Variants in CLK2 observed in about 807,000 individuals in gnomAD.
CLK2 encodes the protein dual specificity protein kinase CLK2.
A neutral mutation model predicts 73.5 loss-of-function variants in CLK2; 12 were observed. That is an observed-to-expected ratio of 0.16 (90% CI 0.10 to 0.26). CLK2 has a LOEUF of 0.26. CLK2 is among the 10% of genes least tolerant of loss of function. The pLI, the probability that CLK2 is intolerant of heterozygous loss-of-function variation, is 1.00. For synonymous variants in CLK2, 232 were observed against 237.9 expected, an observed-to-expected ratio of 0.98 and a Z score of 0.23; for missense variants, 509 against 688.4, an observed-to-expected ratio of 0.74 and a Z score of 2.92.
At position 155,268,314 on chromosome 1, in the gene CLK2, A is replaced by G. The variant is rs1572017847; in HGVS notation, c.533T>C (p.Val178Ala). 6.2e-7 allele frequency: 1 copy of G among 1,614,166 alleles called. No individual in the cohort carries two copies. Among genetic ancestry groups the G allele is most frequent in the Non-Finnish European group, 8.5e-7 (1 of 1,180,018 alleles). ...TLGEGTFGRV[V>A]QCVDHRRGGA... ...TTACCTGCGATGGTCAACACATTGT[A>G]CAACTCGGCCGAAGGTCCCCTCTCC... The change falls in exon 5 of 13, where the codon GTA (valine) becomes GCA (alanine). Residue 178 changes from valine to alanine, a missense_variant. Coordinates refer to ENST00000368361, the MANE Select transcript of CLK2 (RefSeq NM_001294338.2). This position sits in a 1 kb window ranked among gnomAD's most constrained non-coding sequence, Gnocchi z 5.6.
In CLK2 at chr1:155,269,575, C is replaced by T. The variant is rs1052416240; in HGVS notation, c.312G>A (p.Glu104=). 6.2e-7 allele frequency: 1 copy of T among 1,614,226 alleles called. No homozygotes were observed. Residue 104 remains glutamate, a synonymous_variant, in exon 3 of 13, where the codon GAG becomes GAA. Transcript: ENST00000368361. The part of the protein sequence containing the change: ...DYRHSYEYQR[E]NSSYRSQRSS... ...TGCGCTGGCTGCGGTAACTGCTGTT[C>T]TCCCGCTGATATTCATAGGAATGCC...
rs1331511957 is a variant in CLK2, at chr1:155,262,919, C to A, written c.*299G>T. 6.0e-6 allele frequency: 2 copies of A among 335,684 alleles called. No individual in the cohort carries two copies. Among genetic ancestry groups the A allele is most frequent in the Non-Finnish European group, 1.1e-5 (2 of 184,658 alleles). 20.8% of individuals were successfully genotyped at this position (335,684 alleles called of 1,614,324 possible). A position where few individuals can be genotyped will look rare whatever the true frequency, so the allele number is the denominator to read the frequency against. ...TATTTCACAAAGACTGTACAAAATT[C>A]CTTATAAAACATGGGGTAGATGCCA... On this transcript the variant is annotated 3_prime_UTR_variant, in exon 13 of 13. Coordinates refer to ENST00000368361, the MANE Select transcript of CLK2 (RefSeq NM_001294338.2).
chr1:155,268,984 C>T lies in CLK2; in HGVS notation c.400-189G>A, dbSNP rs1327238220. 1 of 615,978 alleles carries T rather than the reference C, an allele frequency of 1.6e-6. No homozygotes were observed. The allele number at this position is 615,978 out of a possible 1,614,324, so 38.2% of individuals were successfully genotyped here. A position where few individuals can be genotyped will look rare whatever the true frequency, so the allele number is the denominator to read the frequency against. ...ATCGGTGTGAGAAGAGAGAGCGGCG[C>T]ATAATCCCAAGTCCCCAAACCCAAA... On this transcript the variant is annotated intron_variant, in intron 3 of 12. Transcript: ENST00000368361. This position sits in a 1 kb window ranked among gnomAD's most constrained non-coding sequence, Gnocchi z 5.6.
intron 7 of CLK2, 46 bp downstream of exon 7, chr1:155,266,683 G>A (rs763371333): frequency 6.3e-7 from 1 of 1,584,060 alleles, no homozygotes; most frequent in Non-Finnish European, 8.6e-7. Context: ...GAGATCCAAT[G>A]AAGGGAGGGA....
At position 155,268,699 on chromosome 1, in the gene CLK2, G is replaced by C; in HGVS notation, c.487+9C>G. On this transcript the variant is annotated intron_variant, in intron 4 of 12. Coordinates refer to ENST00000368361, the MANE Select transcript of CLK2 (RefSeq NM_001294338.2). This position sits in a 1 kb window ranked among gnomAD's most constrained non-coding sequence, Gnocchi z 5.6. ...ACAGGCTATAGGATTGTTACGATTT[G>C]GCTTGTACATCGCTCTTGTAGCCAG... 7 of 1,612,850 alleles carry C rather than the reference G, an allele frequency of 4.3e-6. No homozygotes were observed. Among genetic ancestry groups the C allele is most frequent in the Non-Finnish European group, 5.9e-6 (7 of 1,178,900 alleles).
At position 155,269,630 on chromosome 1, in the gene CLK2, C is replaced by G; in HGVS notation, c.257G>C (p.Arg86Pro). 1 of 1,614,206 alleles carries G rather than the reference C, an allele frequency of 6.2e-7. No homozygotes were observed. Among genetic ancestry groups the G allele is most frequent in the African/African-American group, 1.3e-5 (1 of 75,056 alleles). ...GTCTGTGTCATAGTAGGCATCTCCC[C>G]GATCCCGGCTATAATCGTTGCGTCT... ...SYRRNDYSRD[R>P]GDAYYDTDYR... is the part of the protein sequence containing the mutation. The change falls in exon 3 of 13, where the codon CGG (arginine) becomes CCG (proline). Residue 86 changes from arginine to proline, a missense_variant. By Grantham distance (103) the Arg-to-Pro change is moderately radical. This residue lies in a region of CLK2 where 222 missense variants were observed against 221.7 expected (regional missense o/e 1.00). Transcript: ENST00000368361.
At chr1:155,271,089 T>C in intron 1 of CLK2, 112 bp from the exon 2 acceptor site, 5 of 1,100,714 alleles carry the variant, frequency 4.5e-6, no homozygotes, top group Admixed American at 2.0e-5. Context: ...TTTCTGCCTC[T>C]TTTTACCAGG....
Position 155,264,559 on chromosome 1 carries a change from G to A in CLK2, c.1064-9C>T. ...CTGTGACCAGCCCAACTCTGGGTGA[G>A]AATGGGAGGGAAAAGGTGTTATGAG... On this transcript the variant is annotated splice_polypyrimidine_tract_variant and intron_variant, in intron 9 of 12. Coordinates refer to ENST00000368361, the MANE Select transcript of CLK2 (RefSeq NM_001294338.2). 6.2e-7 allele frequency: 1 copy of A among 1,614,236 alleles called. No individual in the cohort carries two copies.
chr1:155,265,588 A>AATAAATAAATAT (rs1452500496), intron 8 of CLK2, among the ~76,000 whole-genome samples: 3 of 150,988 alleles, frequency 2.0e-5, no homozygotes, highest in East Asian at 4.1e-4. Flanking sequence ...TAAATAAATA[A>AATAAATAAATAT]ATAAATAAAT....
At chr1:155,271,113 G>T in intron 1 of CLK2, 136 bp from the exon 2 acceptor site, 1 of 839,598 alleles carries the variant, frequency 1.2e-6, no homozygotes, top group African/African-American at 1.7e-5. Flanking sequence ...AACTTCCTCA[G>T]TCTTCCTCTG....
chr1:155,265,546 AAC>A (rs1344520369), intron 8 of CLK2, among the ~76,000 whole-genome samples: 31 of 128,304 alleles, frequency 2.4e-4, no homozygotes, highest in African/African-American at 8.9e-4. Flanking sequence ...CAGTCTGGGC[AAC>A]AGAGTGAGAC....
chr1:155,264,885 C>A, intron 8 of CLK2, 111 bp from the exon 9 acceptor site: 1 of 1,320,940 alleles, frequency 7.6e-7, no homozygotes. Context: ...TCCTGCCTGG[C>A]CTTACAAGCC....
intron 2 of CLK2, among the ~76,000 whole-genome samples, chr1:155,270,458 C>T (rs529185782): frequency 6.6e-6 from 1 of 152,304 alleles, no homozygotes; most frequent in Admixed American, 6.5e-5. Context: ...TTATTAGTTA[C>T]CTGTAGCTCC....
At chr1:155,269,839 T>A (rs1183096209) in intron 2 of CLK2, 123 bp from the exon 3 acceptor site, 3 of 850,582 alleles carry the variant, frequency 3.5e-6, no homozygotes, top group Non-Finnish European at 5.7e-6. Context: ...CTCAGACACT[T>A]GTTGAGTCAC....
Position 155,263,216 on chromosome 1 carries a change from C to G in CLK2, c.*2G>C. 6.2e-7 allele frequency: 1 copy of G among 1,611,476 alleles called. No individual in the cohort carries two copies. Among genetic ancestry groups the G allele is most frequent in the Non-Finnish European group, 8.5e-7 (1 of 1,178,932 alleles). ...GATGCAGGGGGGCCCAGGGCCTGAT[C>G]GTCACCGACTGATATCCCGACTGGA... is the stretch of plus-strand genomic sequence containing the variant. On this transcript the variant is annotated 3_prime_UTR_variant, in exon 13 of 13. Transcript: ENST00000368361.
chr1:155,267,914 C>T, intron 6 of CLK2, 96 bp downstream of exon 6: 1 of 814,134 alleles, frequency 1.2e-6, no homozygotes, highest in South Asian at 1.4e-5. Flanking sequence ...ATGAGAAGGT[C>T]TAGGACTCCC....
In CLK2 at chr1:155,269,172, G is replaced by T. The variant is rs1038558857; in HGVS notation, c.399+316C>A. ...GGGGCTACAGAGCCCAGGGCTTGGG[G>T]GAAAAAGGCAGTTCACAAGCAAGGT... On this transcript the variant is annotated intron_variant, in intron 3 of 12. Coordinates refer to ENST00000368361, the MANE Select transcript of CLK2 (RefSeq NM_001294338.2). The T allele has an allele frequency of 6.9e-6, 4 of 578,954 alleles. No homozygotes were observed. The African/African-American group carries it at 7.5e-5, about 11-fold the overall frequency. The allele number at this position is 578,954 out of a possible 1,614,324, so 35.9% of individuals were successfully genotyped here. A position where few individuals can be genotyped will look rare whatever the true frequency, so the allele number is the denominator to read the frequency against.
At chr1:155,266,991 C>G in intron 6 of CLK2, 96 bp from the exon 7 acceptor site, 2 of 1,392,528 alleles carry the variant, frequency 1.4e-6, no homozygotes, top group Non-Finnish European at 2.0e-6. Flanking sequence ...GTTGATTCCA[C>G]ATACTTGTGT....
At position 155,268,340 on chromosome 1, in the gene CLK2, T is replaced by C; in HGVS notation, c.507A>G (p.Leu169=). 3 of 1,614,008 alleles carry C rather than the reference T, an allele frequency of 1.9e-6. No homozygotes were observed. Among genetic ancestry groups the C allele is most frequent in the Non-Finnish European group, 1.7e-6 (2 of 1,179,968 alleles). Reference sequence around the variant, plus strand: ...CAACTCGGCCGAAGGTCCCCTCTCCTAAGGTGCTAACGATTTCATCTGAAA... The same window carrying C: ...CAACTCGGCCGAAGGTCCCCTCTCCCAAGGTGCTAACGATTTCATCTGAAA... ...LQERYEIVST[L]GEGTFGRVVQ... Residue 169 remains leucine (L), a synonymous_variant, in exon 5 of 13, where the codon TTA becomes TTG. Transcript: ENST00000368361. This position sits in a 1 kb window ranked among gnomAD's most constrained non-coding sequence, Gnocchi z 5.6.
Sources: allele counts gnomAD v4.1 joint callset (sites outside exome capture counted in the v4.1 genomes callset), GRCh38; gene constraint gnomAD v4.1.1; regional missense constraint gnomAD v4.1.1; non-coding constraint Gnocchi (gnomAD v3.1); transcripts MANE v1.5; gene names NCBI Gene and HGNC (gene_info 2026-07-23, HGNC 2026-07-21).